The following SUPT3H variants were observed in gnomAD, a reference collection of about 807,000 sequenced individuals.
The protein encoded by SUPT3H is SPT3 homolog, SAGA and STAGA complex component, also known as transcription initiation protein SPT3 homolog.
A neutral mutation model predicts 44.3 loss-of-function variants in SUPT3H; 44 were observed. The observed-to-expected ratio is 0.99, with a 90% CI of 0.78 to 1.28. The LOEUF is 1.28. SUPT3H is among the 50% of genes most tolerant of loss of function. The pLI, the probability that SUPT3H is intolerant of heterozygous loss-of-function variation, is 0.00. For missense variants in SUPT3H, 380 were observed against 387.1 expected (o/e 0.98, Z 0.15); for synonymous variants, 124 against 125.6 (o/e 0.99, Z 0.09).
intron 2 of SUPT3H, among the ~76,000 whole-genome samples, chr6:45,179,916 G>C (rs1433985024): frequency 1.3e-5 from 2 of 152,138 alleles, no homozygotes; most frequent in African/African-American, 2.4e-5. Flanking sequence ...AGGAAAAGAG[G>C]AAGTCAAATT....
intron 1 of SUPT3H, among the ~76,000 whole-genome samples, chr6:45,369,703 A>C (rs1409083208): frequency 6.6e-6 from 1 of 152,198 alleles, no homozygotes; most frequent in East Asian, 1.9e-4. Context: ...ACTACAGGCC[A>C]AACACCGTTC....
chr6:44,901,454 G>A (rs373090473), intron 10 of SUPT3H, among the ~76,000 whole-genome samples: 127 of 151,416 alleles, frequency 8.4e-4, no homozygotes, highest in African/African-American at 2.7e-3. Context: ...GAAATGAAGC[G>A]AGAAGAGAAG....
chr6:45,166,633 G>T (rs1371750209), intron 2 of SUPT3H, among the ~76,000 whole-genome samples: 2 of 147,594 alleles, frequency 1.4e-5, no homozygotes, highest in East Asian at 2.0e-4. Flanking sequence ...AGAAAAAGTA[G>T]AGAAAAGAGA....
At chr6:45,167,167 G>T (rs1341010848) in intron 2 of SUPT3H, among the ~76,000 whole-genome samples, 1 of 152,090 alleles carries the variant, frequency 6.6e-6, no homozygotes, top group African/African-American at 2.4e-5. Flanking sequence ...ATGGGCTAAG[G>T]GCTTAATGGA....
intron 2 of SUPT3H, among the ~76,000 whole-genome samples, chr6:45,216,720 A>G (rs377001362): frequency 1.3e-5 from 2 of 152,206 alleles, no homozygotes; most frequent in African/African-American, 4.8e-5. Context: ...TCATTACGTA[A>G]TGATAAATGG....
At chr6:45,178,672 T>A in intron 2 of SUPT3H, among the ~76,000 whole-genome samples, 2 of 151,876 alleles carry the variant, frequency 1.3e-5, no homozygotes, top group Non-Finnish European at 1.5e-5. Flanking sequence ...GAAGTAAAGC[T>A]CTCCTCAGCA....
chr6:45,303,307 G>C (rs1323030398), intron 2 of SUPT3H, among the ~76,000 whole-genome samples: 1 of 152,112 alleles, frequency 6.6e-6, no homozygotes, highest in Non-Finnish European at 1.5e-5. Context: ...CACAGCAAAA[G>C]GATATAAACA....
chr6:44,952,934 T>C (rs145585026), intron 9 of SUPT3H, among the ~76,000 whole-genome samples: 6 of 152,324 alleles, frequency 3.9e-5, no homozygotes, highest in African/African-American at 1.4e-4. Flanking sequence ...CCAGGGATTA[T>C]TTTGTGAATA....
chr6:45,346,845 G>A (rs970633669), intron 2 of SUPT3H, among the ~76,000 whole-genome samples: 2 of 152,138 alleles, frequency 1.3e-5, no homozygotes, highest in Non-Finnish European at 2.9e-5. Context: ...GATTATAGGC[G>A]TGAGCCATCG....
At chr6:45,065,443 C>G (rs1300442374) in intron 3 of SUPT3H, among the ~76,000 whole-genome samples, 1 of 146,840 alleles carries the variant, frequency 6.8e-6, no homozygotes, top group Non-Finnish European at 1.5e-5. Flanking sequence ...TAGCAGAAGG[C>G]AAGAAATAAC....
intron 9 of SUPT3H, among the ~76,000 whole-genome samples, chr6:44,936,878 G>A (rs1040069993): frequency 1.3e-5 from 2 of 152,002 alleles, no homozygotes; most frequent in African/African-American, 4.8e-5. Flanking sequence ...CATTAGCCAG[G>A]CTGGTATCAA....
At chr6:45,084,783 A>G (rs1796282990) in intron 3 of SUPT3H, among the ~76,000 whole-genome samples, 3 of 152,194 alleles carry the variant, frequency 2.0e-5, no homozygotes, top group Non-Finnish European at 4.4e-5. Flanking sequence ...ATGCAGCCAT[A>G]AAAAAGAATG....
chr6:45,175,005 T>C (rs1811460768), intron 2 of SUPT3H, among the ~76,000 whole-genome samples: 1 of 93,998 alleles, frequency 1.1e-5, no homozygotes, highest in Non-Finnish European at 1.9e-5. Context: ...TAGTGAGCCC[T>C]CGTCACTAAA....
intron 2 of SUPT3H, chr6:45,197,608 G>A: frequency 3.1e-6 from 1 of 325,550 alleles, no homozygotes; most frequent in South Asian, 2.6e-5. Context: ...TAAACTATGA[G>A]AAAGACAAAA....
At chr6:45,009,978 T>C (rs971554614) in intron 5 of SUPT3H, among the ~76,000 whole-genome samples, 1 of 107,522 alleles carries the variant, frequency 9.3e-6, no homozygotes, top group African/African-American at 3.5e-5. Flanking sequence ...TCCATGAACG[T>C]AGGATGTCTT....
chr6:45,222,601 A>G (rs908352087), intron 2 of SUPT3H, among the ~76,000 whole-genome samples: 1 of 152,200 alleles, frequency 6.6e-6, no homozygotes, highest in African/African-American at 2.4e-5. Context: ...TGACAATGTA[A>G]AATTGTACAG....
intron 2 of SUPT3H, among the ~76,000 whole-genome samples, chr6:45,115,262 A>G (rs950246347): frequency 6.6e-6 from 1 of 152,168 alleles, no homozygotes; most frequent in Admixed American, 6.5e-5. Flanking sequence ...ATTACTTGGT[A>G]TGAGATAGTC....
chr6:45,042,049 A>G (rs535431696), intron 3 of SUPT3H, among the ~76,000 whole-genome samples: 2 of 152,342 alleles, frequency 1.3e-5, no homozygotes, highest in East Asian at 3.9e-4. Context: ...AAATACAGAT[A>G]CAGTATGGCA....
intron 2 of SUPT3H, among the ~76,000 whole-genome samples, chr6:45,194,484 G>C (rs780866491): frequency 3.3e-5 from 5 of 151,998 alleles, no homozygotes; most frequent in Non-Finnish European, 7.4e-5. Context: ...TTGTTGTATT[G>C]GTGATAACTG....
Sources: allele counts gnomAD v4.1 joint callset (sites outside exome capture counted in the v4.1 genomes callset), GRCh38; gene constraint gnomAD v4.1.1; transcripts MANE v1.5; gene names NCBI Gene and HGNC (gene_info 2026-07-23, HGNC 2026-07-21).